The following GRM3 variants were observed in gnomAD, a reference collection of about 807,000 sequenced individuals.
GRM3 encodes the protein metabotropic glutamate receptor 3.
GRM3 carries 26 observed loss-of-function variants against 70.5 expected under a neutral mutation model. That is an observed-to-expected ratio of 0.37 (90% CI 0.27 to 0.51). GRM3 has a LOEUF of 0.51. Ranked by LOEUF, GRM3 falls within the 20% of genes least tolerant of loss-of-function variation. The pLI, the probability that GRM3 is intolerant of heterozygous loss-of-function variation, is 0.93. For missense variants in GRM3, 859 were observed against 1,123.8 expected (o/e 0.76, Z 3.37); for synonymous variants, 443 against 434.9 (o/e 1.02, Z -0.23).
At chr7:86,717,236 T>G (rs1386622082) in intron 1 of GRM3, among the ~76,000 whole-genome samples, 1 of 151,992 alleles carries the variant, frequency 6.6e-6, no homozygotes, top group Non-Finnish European at 1.5e-5. Context: ...CATTTTAGTT[T>G]TGACCAAAAA....
At chr7:86,677,844 A>T (rs1449629526) in intron 1 of GRM3, among the ~76,000 whole-genome samples, 1 of 152,044 alleles carries the variant, frequency 6.6e-6, no homozygotes, top group African/African-American at 2.4e-5. Flanking sequence ...AGAAATAATA[A>T]TCTAAATAAA....
In GRM3 at chr7:86,850,357, C is replaced by T; in HGVS notation, c.2392-13C>T. ...GTACAGCCAGACACTTACTAGCCAA[C>T]CTTCTCTTGTAGGTGCAGACGACAA... On this transcript the variant is annotated splice_polypyrimidine_tract_variant and intron_variant, in intron 4 of 5. Coordinates refer to ENST00000361669, the MANE Select transcript of GRM3 (RefSeq NM_000840.3). 1 of 1,606,156 alleles carries T rather than the reference C, an allele frequency of 6.2e-7. No individual in the cohort carries two copies. Among genetic ancestry groups the T allele is most frequent in the Non-Finnish European group, 8.5e-7 (1 of 1,173,780 alleles).
chr7:86,784,583 A>C (rs1027788354), intron 2 of GRM3: 1 of 152,228 alleles, frequency 6.6e-6, no homozygotes, highest in Admixed American at 6.5e-5. Context: ...CTGCCATTTC[A>C]GTCAGGCTGA....
chr7:86,653,790 A>G (rs1392270339), intron 1 of GRM3, among the ~76,000 whole-genome samples: 1 of 151,982 alleles, frequency 6.6e-6, no homozygotes, highest in Admixed American at 6.6e-5. Flanking sequence ...TTTATCCTAT[A>G]TTTTATCATT....
intron 1 of GRM3, among the ~76,000 whole-genome samples, chr7:86,685,629 G>T (rs142133118): frequency 1.3e-5 from 2 of 152,124 alleles, no homozygotes; most frequent in African/African-American, 4.8e-5. Context: ...AATGGGGGCC[G>T]GGCACGGTGG....
chr7:86,760,128 A>G (rs998085352), intron 1 of GRM3, among the ~76,000 whole-genome samples: 2 of 152,126 alleles, frequency 1.3e-5, no homozygotes, highest in African/African-American at 2.4e-5. Context: ...GGGAAAGAGT[A>G]TGTATGGTTT....
At position 86,745,115 on chromosome 7, in the gene GRM3, T is replaced by C. The variant is rs546115291; in HGVS notation, c.-140-19891T>C. Among the ~76,000 whole-genome samples the C allele has an allele frequency of 1.1e-4, 16 of 152,188 alleles. No individual in the cohort carries two copies. The East Asian group carries it at 3.1e-3, about 29-fold the overall frequency. On this transcript the variant is annotated intron_variant, in intron 1 of 5. Coordinates refer to ENST00000361669, the MANE Select transcript of GRM3 (RefSeq NM_000840.3). Reference sequence around the variant, plus strand: ...ATCTCATAACTCCAGAGCTGGCATGTGGGTCATTTTCTTTTCCAGTTGGCT... The same window carrying C: ...ATCTCATAACTCCAGAGCTGGCATGCGGGTCATTTTCTTTTCCAGTTGGCT...
At chr7:86,652,169 T>A (rs185745158) in intron 1 of GRM3, among the ~76,000 whole-genome samples, 3 of 152,304 alleles carry the variant, frequency 2.0e-5, no homozygotes, top group Non-Finnish European at 2.9e-5. Flanking sequence ...CTCTTAGTTG[T>A]TGAACAAATG....
chr7:86,842,317 T>A (rs534157848), intron 4 of GRM3, among the ~76,000 whole-genome samples: 5 of 152,198 alleles, frequency 3.3e-5, no homozygotes, highest in Non-Finnish European at 7.4e-5. Flanking sequence ...AAACTTTACA[T>A]AAATATCCAG....
At chr7:86,658,198 A>G (rs371404985) in intron 1 of GRM3, among the ~76,000 whole-genome samples, 1 of 152,186 alleles carries the variant, frequency 6.6e-6, no homozygotes, top group East Asian at 1.9e-4. Flanking sequence ...GTTCATCCAC[A>G]TGGCTACAGC....
At chr7:86,657,389 G>A (rs1793774114) in intron 1 of GRM3, among the ~76,000 whole-genome samples, 1 of 152,178 alleles carries the variant, frequency 6.6e-6, no homozygotes, top group African/African-American at 2.4e-5. Context: ...ACTGTAGAAG[G>A]TATAATGAAA....
At chr7:86,770,497 A>G (rs1368044354) in intron 2 of GRM3, among the ~76,000 whole-genome samples, 2 of 152,062 alleles carry the variant, frequency 1.3e-5, no homozygotes, top group Non-Finnish European at 1.5e-5. Context: ...GAGAAGAATA[A>G]CTCCTGAAAT....
At chr7:86,788,452 C>T (rs1290507708) in intron 3 of GRM3, among the ~76,000 whole-genome samples, 1 of 152,180 alleles carries the variant, frequency 6.6e-6, no homozygotes, top group East Asian at 1.9e-4. Flanking sequence ...GTCAGTAATT[C>T]CTCCAATTAA....
intron 1 of GRM3, among the ~76,000 whole-genome samples, chr7:86,678,313 A>G (rs930573780): frequency 2.0e-5 from 3 of 151,894 alleles, no homozygotes; most frequent in African/African-American, 7.3e-5. Flanking sequence ...TCAGAATTGC[A>G]GAAGAACTCA....
rs34772514 is a variant in GRM3 at position 86,829,566 on chromosome 7, C to T, written c.1325-9273C>T. Among the ~76,000 whole-genome samples, 1,407 of 152,184 alleles carry T rather than the reference C, an allele frequency of 9.2e-3. 12 individuals are homozygous for T. Among genetic ancestry groups the T allele is most frequent in the Middle Eastern group, 0.031 (9 of 294 alleles). On this transcript the variant is annotated intron_variant, in intron 3 of 5. Coordinates refer to ENST00000361669, the MANE Select transcript of GRM3 (RefSeq NM_000840.3). ...AGACCATCATAAGGTCATTAATTGG[C>T]CTAATGTAAATATTGTTGTGTCTCA...
At chr7:86,679,105 A>G (rs1275169644) in intron 1 of GRM3, among the ~76,000 whole-genome samples, 2 of 152,048 alleles carry the variant, frequency 1.3e-5, no homozygotes, top group East Asian at 1.9e-4. Flanking sequence ...CCCTTGATTC[A>G]TCTTTTTCTC....
chr7:86,773,208 G>A (rs1311480336), intron 2 of GRM3, among the ~76,000 whole-genome samples: 2 of 151,822 alleles, frequency 1.3e-5, no homozygotes, highest in Non-Finnish European at 2.9e-5. Flanking sequence ...ATGTACATGT[G>A]TACCTAGTAA....
chr7:86,786,736 A>T lies in GRM3; in HGVS notation c.944A>T (p.His315Leu), dbSNP rs1041272553. 6.2e-7 allele frequency: 1 copy of T among 1,613,514 alleles called. No homozygotes were observed. The highest frequency in any genetic ancestry group is 1.3e-5 in the African/African-American group (1 of 74,946). ...GAGAGCATCATCAAGGGCAGCGAGC[A>T]TGTGGCCTACGGCGCCATCACCCTG... ...AQESIIKGSE[H>L]VAYGAITLEL... The change falls in exon 3 of 6, where the codon CAT becomes CTT. Residue 315 changes from histidine (H) to leucine (L), a missense_variant. By Grantham distance (99) the His-to-Leu change is moderately conservative. Coordinates refer to ENST00000361669, the MANE Select transcript of GRM3 (RefSeq NM_000840.3). The surrounding 1 kb of genome is among the most constrained non-coding windows in gnomAD (Gnocchi z 6.0).
chr7:86,858,688 A>C (rs1405736393), intron 5 of GRM3, among the ~76,000 whole-genome samples: 1 of 152,210 alleles, frequency 6.6e-6, no homozygotes, highest in Non-Finnish European at 1.5e-5. Flanking sequence ...ACTGAGACCA[A>C]GTGCTATTTC....
Sources: gnomAD v4.1 joint callset for allele counts (sites outside exome capture counted in the v4.1 genomes callset) on GRCh38, gnomAD v4.1.1 for gene constraint, Gnocchi (gnomAD v3.1) non-coding constraint, MANE v1.5 for transcripts, NCBI Gene and HGNC (gene_info 2026-07-23, HGNC 2026-07-21) for gene names.